Variants in LMBRD1 observed in about 807,000 individuals in gnomAD.
The protein encoded by LMBRD1 is LMBR1 domain containing 1.
In LMBRD1, 64 loss-of-function variants were observed where a neutral mutation model predicts 74.8. The ratio of observed to expected loss-of-function variants is 0.86; its 90% CI spans 0.70 to 1.05. The LOEUF (loss-of-function observed/expected upper bound fraction) is 1.05. LMBRD1 is among the 50% of genes least tolerant of loss of function. The pLI is 0.00. For synonymous variants in LMBRD1, 204 were observed against 216.3 expected, an observed-to-expected ratio of 0.94 and a Z score of 0.50; for missense variants, 652 against 645.9, an observed-to-expected ratio of 1.01 and a Z score of -0.10.
At chr6:69,704,795 T>C (rs111730584) in intron 9 of LMBRD1, among the ~76,000 whole-genome samples, 17 of 152,134 alleles carry the variant, frequency 1.1e-4, no homozygotes, top group Non-Finnish European at 2.9e-5. Context: ...AGAGGGACTG[T>C]TGTAATTCAT....
intron 6 of LMBRD1, 118 bp downstream of exon 6, chr6:69,741,671 G>A: frequency 1.6e-6 from 1 of 640,680 alleles, no homozygotes. Context: ...TTACAGGCAT[G>A]AGCCACCACG....
chr6:69,742,308 T>C (rs147995041), intron 5 of LMBRD1, among the ~76,000 whole-genome samples: 8 of 152,268 alleles, frequency 5.3e-5, no homozygotes, highest in East Asian at 3.9e-4. Context: ...GAATAAACAG[T>C]AAATGTCTCA....
chr6:69,756,967 T>C (rs1378090084), intron 3 of LMBRD1, among the ~76,000 whole-genome samples: 2 of 152,138 alleles, frequency 1.3e-5, no homozygotes, highest in Non-Finnish European at 2.9e-5. Flanking sequence ...CCTGAAAACA[T>C]ACAAGCATTC....
intron 8 of LMBRD1, among the ~76,000 whole-genome samples, chr6:69,715,543 G>C (rs1766469730): frequency 6.6e-6 from 1 of 151,972 alleles, no homozygotes; most frequent in Non-Finnish European, 1.5e-5. Context: ...TAGTTAAAGG[G>C]AATAACAAAC....
Position 69,674,996 on chromosome 6 carries a change from G to A in LMBRD1, c.*1162C>T, listed in dbSNP as rs1401219969. Among the ~76,000 whole-genome samples the A allele has an allele frequency of 2.0e-5, 3 of 151,932 alleles. No homozygotes were observed. On this transcript the variant is annotated 3_prime_UTR_variant, in exon 16 of 16. Transcript: ENST00000649934. ...CTTAAAAAAAAAGAAAAAAGAAAATGTAAAATAAGAACAGAAGGGAATGAA... is the reference window on the plus strand; with the variant it reads ...CTTAAAAAAAAAGAAAAAAGAAAATATAAAATAAGAACAGAAGGGAATGAA...
rs551007123 is a variant in LMBRD1, at chr6:69,790,421, C to G, written c.121G>C (p.Glu41Gln). Residue 41 changes from glutamate to glutamine, a missense_variant, in exon 2 of 16, where the codon GAA (glutamate) becomes CAA (glutamine). By Grantham distance (29) the Glu-to-Gln change is conservative. Transcript: ENST00000649934. ...IYVRKYQSRR[E>Q]SEVVSTITAI... ...GTTATGGTGGAGACAACTTCACTTTCCCGCCGACTTTGGTATTTACGAACA... is the reference window on the plus strand; with the variant it reads ...GTTATGGTGGAGACAACTTCACTTTGCCGCCGACTTTGGTATTTACGAACA... 6.2e-7 allele frequency: 1 copy of G among 1,614,036 alleles called. No homozygotes were observed. Among genetic ancestry groups the G allele is most frequent in the East Asian group, 2.2e-5 (1 of 44,854 alleles).
At chr6:69,727,557 G>T (rs1009013318) in intron 7 of LMBRD1, among the ~76,000 whole-genome samples, 7 of 152,134 alleles carry the variant, frequency 4.6e-5, no homozygotes, top group Admixed American at 2.6e-4. Context: ...GGTTTAAAAT[G>T]TATATTGTAA....
intron 7 of LMBRD1, among the ~76,000 whole-genome samples, chr6:69,724,380 AT>A (rs1186429269): frequency 6.7e-6 from 1 of 148,440 alleles, no homozygotes; most frequent in Non-Finnish European, 1.5e-5. Context: ...ACAGGCCAAT[AT>A]TCATGAATAT....
intron 7 of LMBRD1, among the ~76,000 whole-genome samples, chr6:69,732,514 A>T (rs868602071): frequency 2.6e-5 from 4 of 152,292 alleles, no homozygotes; most frequent in Middle Eastern, 3.4e-3. Flanking sequence ...TACATCTGTT[A>T]TACTGACCTG....
At chr6:69,678,745 ATAAG>A (rs1299768257) in intron 14 of LMBRD1, among the ~76,000 whole-genome samples, 12 of 152,230 alleles carry the variant, frequency 7.9e-5, no homozygotes, top group Middle Eastern at 3.4e-3. Context: ...CTCAGCTTCA[ATAAG>A]TAAGTGTTCT....
chr6:69,732,056 C>T (rs1461029934), intron 7 of LMBRD1, among the ~76,000 whole-genome samples: 1 of 152,052 alleles, frequency 6.6e-6, no homozygotes, highest in African/African-American at 2.4e-5. Context: ...ACCTTACAAT[C>T]GGTAGCATAT....
intron 7 of LMBRD1, among the ~76,000 whole-genome samples, chr6:69,727,834 T>C (rs1428887203): frequency 1.3e-5 from 2 of 152,188 alleles, no homozygotes; most frequent in Admixed American, 6.5e-5. Flanking sequence ...GATTTTCCTA[T>C]CCTTATTATC....
Position 69,742,737 on chromosome 6 carries a change from T to C in LMBRD1, c.474-860A>G, listed in dbSNP as rs910318159. 2.0e-5 allele frequency among the ~76,000 whole-genome samples: 3 copies of C among 152,240 alleles called. No homozygotes were observed. The East Asian group carries it at 5.8e-4, about 29-fold the overall frequency. On this transcript the variant is annotated intron_variant, in intron 5 of 15. Transcript: ENST00000649934. ...AAGAGGAAATGAATTAGTTCAATAATATATTAAGGTACCTGCTCTAATAAT... is the reference window on the plus strand; with the variant it reads ...AAGAGGAAATGAATTAGTTCAATAACATATTAAGGTACCTGCTCTAATAAT...
chr6:69,765,924 T>C (rs1325478446), intron 3 of LMBRD1, among the ~76,000 whole-genome samples: 2 of 152,024 alleles, frequency 1.3e-5, no homozygotes, highest in Non-Finnish European at 2.9e-5. Context: ...TGTCTGTTTC[T>C]AGTTTTCATA....
chr6:69,681,359 C>T (rs1333693771), intron 14 of LMBRD1, among the ~76,000 whole-genome samples: 6 of 151,888 alleles, frequency 4.0e-5, no homozygotes, highest in Admixed American at 1.3e-4. Context: ...TGTAATTTAA[C>T]AGCAGTCTTT....
At chr6:69,736,226 G>A (rs1181487292) in intron 7 of LMBRD1, among the ~76,000 whole-genome samples, 2 of 151,550 alleles carry the variant, frequency 1.3e-5, no homozygotes, top group Non-Finnish European at 2.9e-5. Flanking sequence ...TTTTTTTTCT[G>A]TACTATCTTT....
At chr6:69,771,108 A>C (rs1047921146) in intron 3 of LMBRD1, among the ~76,000 whole-genome samples, 1 of 152,210 alleles carries the variant, frequency 6.6e-6, no homozygotes, top group Non-Finnish European at 1.5e-5. Context: ...AGTGGTTTAA[A>C]AAAACATTTA....
chr6:69,778,640 C>A (rs544019438), intron 3 of LMBRD1, among the ~76,000 whole-genome samples: 6 of 152,080 alleles, frequency 3.9e-5, no homozygotes, highest in Non-Finnish European at 7.4e-5. Flanking sequence ...GACAGACCTC[C>A]CCCCCTAAAA....
chr6:69,715,289 C>T (rs889356772), intron 8 of LMBRD1, among the ~76,000 whole-genome samples: 4 of 151,972 alleles, frequency 2.6e-5, no homozygotes, highest in South Asian at 2.1e-4. Context: ...TCAATGCTGG[C>T]GTTCACTATT....
Sources: allele counts gnomAD v4.1 joint callset (sites outside exome capture counted in the v4.1 genomes callset), GRCh38; gene constraint gnomAD v4.1.1; transcripts MANE v1.5; gene names NCBI Gene and HGNC (gene_info 2026-07-23, HGNC 2026-07-21).